TRAK1: variants seen among roughly 807,000 people sequenced by gnomAD.
TRAK1 encodes trafficking kinesin protein 1, also known as trafficking kinesin-binding protein 1.
A neutral mutation model predicts 92.1 loss-of-function variants in TRAK1; 33 were observed. The ratio of observed to expected loss-of-function variants is 0.36; its 90% CI spans 0.27 to 0.48. TRAK1 has a LOEUF of 0.48. Ranked by LOEUF, TRAK1 falls within the 20% of genes least tolerant of loss-of-function variation. TRAK1 has a pLI of 0.99. For synonymous variants in TRAK1, 521 were observed against 517.3 expected, an observed-to-expected ratio of 1.01 and a Z score of -0.10; for missense variants, 1,123 against 1,257.9, an observed-to-expected ratio of 0.89 and a Z score of 1.62.
chr3:42,110,019 G>T (rs1005592033), intron 1 of TRAK1, among the ~76,000 whole-genome samples: 1 of 143,778 alleles, frequency 7.0e-6, no homozygotes, highest in Non-Finnish European at 1.5e-5. Flanking sequence ...GTTAATGGGT[G>T]CAGCACACCA....
At chr3:42,107,663 G>A (rs1048812935) in intron 1 of TRAK1, among the ~76,000 whole-genome samples, 1 of 152,064 alleles carries the variant, frequency 6.6e-6, no homozygotes, top group African/African-American at 2.4e-5. Context: ...GGATAATTAG[G>A]AAAATACAGG....
chr3:42,020,993 TTAAAC>T (rs1169776500), intron 1 of TRAK1, among the ~76,000 whole-genome samples: 1 of 152,220 alleles, frequency 6.6e-6, no homozygotes, highest in African/African-American at 2.4e-5. Flanking sequence ...GGAGGTTTAC[TTAAAC>T]TAAAGGGACA....
In TRAK1 at chr3:42,017,373, G is replaced by A. The variant is rs765695034; in HGVS notation, c.-519+3256G>A. Among the ~76,000 whole-genome samples the A allele has an allele frequency of 7.9e-5, 12 of 152,152 alleles. 1 individual carries two copies. In the Middle Eastern group the frequency reaches 0.014, roughly 177 times the overall value. On this transcript the variant is annotated intron_variant, in intron 1 of 16. Transcript: ENST00000487159. ...CAAGAGGATGTTCTTTTTAAAAGAT[G>A]GAGATAGAACCCAAGGGCTTATGTG... is the stretch of plus-strand genomic sequence containing the variant.
At chr3:42,217,165 G>C (rs1709811353) in intron 14 of TRAK1, 1 of 802,094 alleles carries the variant, frequency 1.2e-6, no homozygotes, top group African/African-American at 2.0e-5. Context: ...TCAGCCCGTT[G>C]CTTCTCTGTA....
At chr3:42,091,303 A>G (rs558886532), upstream of TRAK1, 30 of 621,928 alleles carry the variant, frequency 4.8e-5, no homozygotes, top group South Asian at 6.1e-4. Flanking sequence ...TACATAACCC[A>G]TTGTGCTTCC....
chr3:42,155,762 T>C (rs898025083), intron 2 of TRAK1, among the ~76,000 whole-genome samples: 2 of 152,226 alleles, frequency 1.3e-5, no homozygotes, highest in African/African-American at 2.4e-5. Context: ...ACTTGAGATA[T>C]GGCTAGTGTG....
chr3:42,044,935 C>G (rs1702695167), intron 1 of TRAK1, among the ~76,000 whole-genome samples: 1 of 151,882 alleles, frequency 6.6e-6, no homozygotes. Flanking sequence ...AAAATAAAAA[C>G]TTTGCCAGCT....
chr3:42,185,834 G>A (rs1246042344), intron 4 of TRAK1, among the ~76,000 whole-genome samples: 1 of 151,710 alleles, frequency 6.6e-6, no homozygotes, highest in Non-Finnish European at 1.5e-5. Flanking sequence ...ACCACACCCA[G>A]CTAATTTTTT....
At chr3:42,144,004 A>G (rs979717013) in intron 2 of TRAK1, among the ~76,000 whole-genome samples, 62 of 151,938 alleles carry the variant, frequency 4.1e-4, no homozygotes, top group African/African-American at 1.5e-3. Context: ...TTTCTTTCCT[A>G]TTTTCTTAAA....
At chr3:42,042,475 G>A (rs531137631) in intron 1 of TRAK1, among the ~76,000 whole-genome samples, 2 of 152,180 alleles carry the variant, frequency 1.3e-5, no homozygotes, top group East Asian at 3.9e-4. Context: ...GGGTTCAAGC[G>A]ATTCTCATGC....
At chr3:42,023,975 G>A (rs1039787352) in intron 1 of TRAK1, among the ~76,000 whole-genome samples, 6 of 151,928 alleles carry the variant, frequency 3.9e-5, no homozygotes, top group Admixed American at 1.3e-4. Context: ...GGCTGGTCTC[G>A]AATTCCTGAC....
intron 1 of TRAK1, among the ~76,000 whole-genome samples, chr3:42,108,009 C>T (rs184399890): frequency 6.6e-6 from 1 of 151,842 alleles, no homozygotes; most frequent in Non-Finnish European, 1.5e-5. Flanking sequence ...GGGAAGGCAG[C>T]CTTTGAGAAA....
chr3:42,188,878 G>A (rs1444509537), intron 5 of TRAK1, 138 bp from the exon 6 acceptor site: 16 of 630,832 alleles, frequency 2.5e-5, no homozygotes, highest in South Asian at 3.9e-5. Context: ...CACTGGGGGC[G>A]CTGTCTTCCT....
At chr3:42,168,795 C>T (rs1397955092) in intron 2 of TRAK1, among the ~76,000 whole-genome samples, 3 of 152,064 alleles carry the variant, frequency 2.0e-5, no homozygotes, top group African/African-American at 7.2e-5. Flanking sequence ...TGGTCTCAAA[C>T]TCTTGGGCTC....
chr3:42,166,309 A>T (rs1701856840), intron 2 of TRAK1, among the ~76,000 whole-genome samples: 1 of 152,134 alleles, frequency 6.6e-6, no homozygotes, highest in Non-Finnish European at 1.5e-5. Flanking sequence ...GGTGACATAC[A>T]GACAACTCTT....
At chr3:42,222,793 G>C (rs1031821136) in intron 15 of TRAK1, 149 bp from the exon 16 acceptor site, 1 of 746,780 alleles carries the variant, frequency 1.3e-6, no homozygotes, top group African/African-American at 1.8e-5. Flanking sequence ...AGGAGCAGAC[G>C]TGGACAGAGC....
At chr3:42,206,914 C>T (rs986781188) in intron 13 of TRAK1, among the ~76,000 whole-genome samples, 8 of 152,176 alleles carry the variant, frequency 5.3e-5, no homozygotes, top group African/African-American at 1.4e-4. Context: ...ATGGGGCAGC[C>T]TGTTGAACAG....
chr3:42,123,992 G>T (rs1710246647), intron 1 of TRAK1, among the ~76,000 whole-genome samples: 1 of 152,052 alleles, frequency 6.6e-6, no homozygotes, highest in Middle Eastern at 3.2e-3. Context: ...AATAAAATTA[G>T]CTGGGTTTGA....
intron 15 of TRAK1, 100 bp from the exon 16 acceptor site, chr3:42,222,842 C>A: frequency 7.7e-7 from 1 of 1,297,456 alleles, no homozygotes; most frequent in Non-Finnish European, 1.1e-6. Flanking sequence ...CTCATCGTGT[C>A]CTGGGTCGTC....
Sources: gnomAD v4.1 joint callset for allele counts (sites outside exome capture counted in the v4.1 genomes callset) on GRCh38, gnomAD v4.1.1 for gene constraint, MANE v1.5 for transcripts, NCBI Gene and HGNC (gene_info 2026-07-23, HGNC 2026-07-21) for gene names.